C10orf90: variants seen among roughly 807,000 people sequenced by gnomAD.
C10orf90 encodes the protein (E2-independent) E3 ubiquitin-conjugating enzyme FATS.
In C10orf90, 56 loss-of-function variants were observed where a neutral mutation model predicts 62.5. The observed-to-expected ratio is 0.90, with a 90% confidence interval of 0.72 to 1.12. The LOEUF (loss-of-function observed/expected upper bound fraction) is 1.12. Among genes scored for constraint, C10orf90 ranks in the 50% most tolerant of loss-of-function variants. The pLI is 0.00. For missense variants in C10orf90, 970 were observed against 880.4 expected (o/e 1.10, Z -1.29); for synonymous variants, 386 against 340.4 (o/e 1.13, Z -1.47).
intron 2 of C10orf90, among the ~76,000 whole-genome samples, chr10:126,532,827 A>T (rs1328172470): frequency 8.5e-6 from 1 of 117,698 alleles, no homozygotes; most frequent in Non-Finnish European, 1.8e-5. Flanking sequence ...TGGGCAACAG[A>T]GCGAGACTAC....
chr10:126,637,912 T>C (rs542317639), intron 2 of C10orf90, among the ~76,000 whole-genome samples: 1 of 152,244 alleles, frequency 6.6e-6, no homozygotes, highest in South Asian at 2.1e-4. Flanking sequence ...GAAGGTACAG[T>C]TGGGCTATTG....
At position 126,501,968 on chromosome 10, in the gene C10orf90, A is replaced by G. The variant is rs558773714; in HGVS notation, c.1534+1989T>C. On this transcript the variant is annotated intron_variant, in intron 4 of 9. Transcript: ENST00000488181. ...ACACACACACACACACCACATATACACCACACACACACACCACACACGCAT... is the reference window on the plus strand; with the variant it reads ...ACACACACACACACACCACATATACGCCACACACACACACCACACACGCAT... Among the ~76,000 whole-genome samples, 25 of 150,666 alleles carry G rather than the reference A, an allele frequency of 1.7e-4. 1 individual carries two copies. In the South Asian group the frequency reaches 5.1e-3, roughly 30 times the overall value.
At chr10:126,629,092 C>T (rs1845803856) in intron 2 of C10orf90, among the ~76,000 whole-genome samples, 1 of 152,230 alleles carries the variant, frequency 6.6e-6, no homozygotes, top group South Asian at 2.1e-4. Context: ...CAGACAATTA[C>T]ATCCTCATCA....
chr10:126,532,842 C>CAAAAAAAAAAAAAAAAAAAAAAAAAAA (rs1269013268), intron 2 of C10orf90, among the ~76,000 whole-genome samples: 12 of 12,036 alleles, frequency 1.0e-3, no homozygotes, highest in East Asian at 2.7e-3. Flanking sequence ...GACTACGTCT[C>CAAAAAAAAAAAAAAAAAAAAAAAAAAA]AAAAAAAAAA....
chr10:126,582,258 G>T (rs566311156), intron 2 of C10orf90, among the ~76,000 whole-genome samples: 132 of 152,150 alleles, frequency 8.7e-4, no homozygotes, highest in Non-Finnish European at 1.5e-3. Context: ...TGTGCTAAGG[G>T]CACCTTTAAA....
In C10orf90 at chr10:126,473,498, C is replaced by A. The variant is rs1860696133; in HGVS notation, c.1535-8512G>T. 1.3e-5 allele frequency among the ~76,000 whole-genome samples: 2 copies of A among 152,126 alleles called. 1 individual carries two copies. The highest frequency in any genetic ancestry group is 2.9e-5 in the Non-Finnish European group (2 of 68,026). On this transcript the variant is annotated intron_variant, in intron 4 of 9. Transcript: ENST00000488181. ...AGGTCTTGAGAGGAGATGGTCCACA[C>A]AGTATTTAGTGTGGATGTGGATGTG...
At chr10:126,544,518 C>T (rs932252567) in intron 2 of C10orf90, among the ~76,000 whole-genome samples, 1 of 152,044 alleles carries the variant, frequency 6.6e-6, no homozygotes, top group Non-Finnish European at 1.5e-5. Context: ...AAGACACATT[C>T]CCAAGCAAGA....
Position 126,595,281 on chromosome 10 carries a change from G to T in C10orf90, c.313+51284C>A, listed in dbSNP as rs187386043. Among the ~76,000 whole-genome samples, 323 of 152,248 alleles carry T rather than the reference G, an allele frequency of 2.1e-3. 4 individuals carry two copies. The highest frequency in any genetic ancestry group is 7.4e-3 in the African/African-American group (307 of 41,550). On this transcript the variant is annotated intron_variant, in intron 2 of 9. Coordinates refer to ENST00000488181, the MANE Select transcript of C10orf90 (RefSeq NM_001350921.2). The stretch of plus-strand genomic sequence containing the variant: ...AAAGTGGGGAAAAGAAATTCTAATT[G>T]ATATCCATGAAGCTGACCTCTGCTC...
At position 126,526,023 on chromosome 10, in the gene C10orf90, AACACACACACAC is replaced by A. The variant is rs3040780; in HGVS notation, c.314-12096_314-12085del. Among the ~76,000 whole-genome samples the A allele has an allele frequency of 7.2e-5, 10 of 139,034 alleles. 1 individual carries two copies. Among genetic ancestry groups the A allele is most frequent in the African/African-American group, 2.2e-4 (8 of 37,144 alleles). 91.2% of individuals were successfully genotyped at this position (139,034 alleles called of 152,430 possible). A position where few individuals can be genotyped will look rare whatever the true frequency, so the allele number is the denominator to read the frequency against. On this transcript the variant is annotated intron_variant, in intron 2 of 9. Coordinates refer to ENST00000488181, the MANE Select transcript of C10orf90 (RefSeq NM_001350921.2). Reference sequence around the variant, plus strand: ...TAAATAGCTTGTCCACACCTGCCACAACACACACACACACACACACACACACACACACACACA... The same window carrying A: ...TAAATAGCTTGTCCACACCTGCCACAACACACACACACACACACACACACA...
Position 126,640,582 on chromosome 10 carries a change from T to C in C10orf90, c.313+5983A>G, listed in dbSNP as rs201069762. On this transcript the variant is annotated intron_variant, in intron 2 of 9. Transcript: ENST00000488181. ...AAGTCAGCAAGGTCACGTGAAAGGA[T>C]TGTGGTTGTGGTTGTGCAATCAACA... Among the ~76,000 whole-genome samples, 27 of 152,228 alleles carry C rather than the reference T, an allele frequency of 1.8e-4. No individual in the cohort carries two copies. The East Asian group carries it at 2.9e-3, about 16-fold the overall frequency.
rs11245024 is a variant in C10orf90, at chr10:126,539,244, C to G, written c.314-25305G>C. On this transcript the variant is annotated intron_variant, in intron 2 of 9. Coordinates refer to ENST00000488181, the MANE Select transcript of C10orf90 (RefSeq NM_001350921.2). ...AGCGCCTTTAGCAGGAAAAGCAAAT[C>G]GGCTGTGAGTGGAATCCATGCTAGG... Among the ~76,000 whole-genome samples the G allele has an allele frequency of 2.6e-3, 400 of 152,288 alleles. 1 individual carries two copies. Among genetic ancestry groups the G allele is most frequent in the Admixed American group, 4.5e-3 (68 of 15,280 alleles).
At chr10:126,438,302 T>G (rs1658677260) in intron 7 of C10orf90, among the ~76,000 whole-genome samples, 2 of 152,238 alleles carry the variant, frequency 1.3e-5, no homozygotes, top group South Asian at 2.1e-4. Context: ...GCCAGATTTC[T>G]ATGGAAAATG....
chr10:126,499,141 G>A (rs1446288096), intron 4 of C10orf90, among the ~76,000 whole-genome samples: 1 of 152,208 alleles, frequency 6.6e-6, no homozygotes, highest in Non-Finnish European at 1.5e-5. Context: ...ATGTATTTAT[G>A]CATTGTTGAT....
chr10:126,484,907 C>T (rs1473508833), intron 4 of C10orf90, among the ~76,000 whole-genome samples: 1 of 152,122 alleles, frequency 6.6e-6, no homozygotes, highest in Non-Finnish European at 1.5e-5. Flanking sequence ...CTTTTAATAA[C>T]AGGGAAAACA....
chr10:126,472,841 C>G (rs1021927503), intron 4 of C10orf90, among the ~76,000 whole-genome samples: 4 of 151,912 alleles, frequency 2.6e-5, no homozygotes, highest in African/African-American at 9.7e-5. Context: ...TGTGTGTCTG[C>G]GTGTGTGCAT....
intron 4 of C10orf90, among the ~76,000 whole-genome samples, chr10:126,487,667 C>T (rs930403859): frequency 3.9e-5 from 6 of 152,044 alleles, no homozygotes; most frequent in Non-Finnish European, 8.8e-5. Context: ...ACCAAAAGTC[C>T]CTCCACTTTG....
At chr10:126,523,136 C>G (rs1863822160) in intron 2 of C10orf90, among the ~76,000 whole-genome samples, 2 of 152,334 alleles carry the variant, frequency 1.3e-5, no homozygotes, top group African/African-American at 2.4e-5. Context: ...TTTGTGGTCA[C>G]TTGGGCTCTA....
At chr10:126,666,373 G>A (rs1846627054) in intron 1 of C10orf90, among the ~76,000 whole-genome samples, 1 of 152,132 alleles carries the variant, frequency 6.6e-6, no homozygotes, top group African/African-American at 2.4e-5. Flanking sequence ...AACAATGTAA[G>A]ATTCACAATA....
chr10:126,516,979 G>A (rs1863470454), intron 2 of C10orf90, among the ~76,000 whole-genome samples: 1 of 152,026 alleles, frequency 6.6e-6, no homozygotes, highest in Non-Finnish European at 1.5e-5. Flanking sequence ...ATTAGATTGG[G>A]CCCACCTGGA....
Sources: gnomAD v4.1 joint callset for allele counts (sites outside exome capture counted in the v4.1 genomes callset) on GRCh38, gnomAD v4.1.1 for gene constraint, MANE v1.5 for transcripts, NCBI Gene and HGNC (gene_info 2026-07-23, HGNC 2026-07-21) for gene names.